The following HS6ST3 variants were observed in gnomAD, a reference collection of about 807,000 sequenced individuals.
The protein encoded by HS6ST3 is heparan sulfate 6-O-sulfotransferase 3, also known as heparan-sulfate 6-O-sulfotransferase 3.
Under a neutral mutation model 36.7 loss-of-function variants are expected in HS6ST3, and 12 were observed. The observed-to-expected ratio is 0.33, with a 90% CI of 0.21 to 0.53. The LOEUF (loss-of-function observed/expected upper bound fraction) is 0.53. Among genes scored for constraint, HS6ST3 ranks in the 20% least tolerant of loss-of-function variants. The pLI, the probability that HS6ST3 is intolerant of heterozygous loss-of-function variation, is 0.95. For synonymous variants in HS6ST3, 240 were observed against 257.5 expected, an observed-to-expected ratio of 0.93 and a Z score of 0.65; for missense variants, 584 against 640.9, an observed-to-expected ratio of 0.91 and a Z score of 0.96.
chr13:96,381,070 A>C (rs981734114), intron 1 of HS6ST3, among the ~76,000 whole-genome samples: 37 of 152,354 alleles, frequency 2.4e-4, no homozygotes, highest in African/African-American at 8.7e-4. Context: ...GGACCTAAAC[A>C]ATACTAAGTT....
intron 1 of HS6ST3, among the ~76,000 whole-genome samples, chr13:96,159,028 A>G (rs80013323): frequency 0.014 from 2,158 of 152,270 alleles, 29 homozygotes; most frequent in South Asian, 0.052. Flanking sequence ...GTGTGTATGT[A>G]TTTGTGATAG....
intron 1 of HS6ST3, among the ~76,000 whole-genome samples, chr13:96,721,517 G>T (rs572763567): frequency 1.2e-3 from 187 of 152,206 alleles, no homozygotes; most frequent in African/African-American, 4.4e-3. Flanking sequence ...TGACTTTACT[G>T]AGCTAATGTC....
intron 1 of HS6ST3, among the ~76,000 whole-genome samples, chr13:96,650,922 T>A (rs1489987347): frequency 6.6e-6 from 1 of 152,160 alleles, no homozygotes; most frequent in Non-Finnish European, 1.5e-5. Context: ...TCTGTGATAC[T>A]ACATCACAGA....
At chr13:96,831,367 T>G (rs1258846511) in intron 1 of HS6ST3, among the ~76,000 whole-genome samples, 1 of 152,188 alleles carries the variant, frequency 6.6e-6, no homozygotes, top group Admixed American at 6.5e-5. Flanking sequence ...CAATATGATG[T>G]ACAGGAAAGC....
At chr13:96,790,490 T>C (rs959241598) in intron 1 of HS6ST3, among the ~76,000 whole-genome samples, 1 of 152,050 alleles carries the variant, frequency 6.6e-6, no homozygotes, top group Non-Finnish European at 1.5e-5. Flanking sequence ...GTATGAAATA[T>C]ATAGACTGTT....
At chr13:96,526,629 G>A (rs1386171407) in intron 1 of HS6ST3, among the ~76,000 whole-genome samples, 2 of 152,130 alleles carry the variant, frequency 1.3e-5, no homozygotes, top group Non-Finnish European at 2.9e-5. Context: ...TTTAATCATG[G>A]CCACCATTTT....
At chr13:96,771,385 C>T (rs12427478) in intron 1 of HS6ST3, among the ~76,000 whole-genome samples, 29,117 of 151,564 alleles carry the variant, frequency 0.19, 2,860 homozygotes, top group Admixed American at 0.24. Flanking sequence ...CAAACCTGCA[C>T]GTTGTGCACA....
intron 1 of HS6ST3, among the ~76,000 whole-genome samples, chr13:96,377,750 C>T (rs995061269): frequency 6.6e-6 from 1 of 151,866 alleles, no homozygotes; most frequent in Admixed American, 6.6e-5. Flanking sequence ...GTCAAAAGAG[C>T]AAGAAAATTA....
chr13:96,663,986 T>C (rs1193306179), intron 1 of HS6ST3, among the ~76,000 whole-genome samples: 2 of 152,228 alleles, frequency 1.3e-5, no homozygotes, highest in African/African-American at 2.4e-5. Context: ...TGAAGCAAAA[T>C]TGAGTGCAAA....
At chr13:96,158,509 C>T (rs935518731) in intron 1 of HS6ST3, among the ~76,000 whole-genome samples, 6 of 151,634 alleles carry the variant, frequency 4.0e-5, no homozygotes, top group South Asian at 2.1e-4. Context: ...AAAAATTAGC[C>T]GGGCATGGTG....
At chr13:96,523,884 C>T (rs2056103615) in intron 1 of HS6ST3, among the ~76,000 whole-genome samples, 1 of 152,172 alleles carries the variant, frequency 6.6e-6, no homozygotes, top group Non-Finnish European at 1.5e-5. Context: ...CATTCTCCAT[C>T]CAGTTTTGTT....
intron 1 of HS6ST3, among the ~76,000 whole-genome samples, chr13:96,339,447 A>G (rs1311345950): frequency 6.6e-6 from 1 of 152,148 alleles, no homozygotes; most frequent in African/African-American, 2.4e-5. Flanking sequence ...TCCACCTGCA[A>G]GGTGATCAAG....
chr13:96,286,195 A>T (rs1456321964), intron 1 of HS6ST3, among the ~76,000 whole-genome samples: 1 of 152,134 alleles, frequency 6.6e-6, no homozygotes, highest in Non-Finnish European at 1.5e-5. Context: ...CAGAGAACAG[A>T]GTGAGGCTCT....
At chr13:96,431,782 C>T (rs191965003) in intron 1 of HS6ST3, among the ~76,000 whole-genome samples, 182 of 152,298 alleles carry the variant, frequency 1.2e-3, no homozygotes, top group Non-Finnish European at 1.2e-3. Context: ...AGTGATGCAA[C>T]GTTTGCCTAC....
intron 1 of HS6ST3, among the ~76,000 whole-genome samples, chr13:96,293,988 A>G (rs1464060649): frequency 6.6e-6 from 1 of 152,148 alleles, no homozygotes. Context: ...TTTAAGATCT[A>G]TAGATCCATT....
chr13:96,237,638 T>A lies in HS6ST3; in HGVS notation c.707+146069T>A, dbSNP rs979235162. Among the ~76,000 whole-genome samples, 16 of 152,210 alleles carry A rather than the reference T, an allele frequency of 1.1e-4. 1 individual carries two copies. Among genetic ancestry groups the A allele is most frequent in the Admixed American group, 9.2e-4 (14 of 15,286 alleles). On this transcript the variant is annotated intron_variant, in intron 1 of 1. Transcript: ENST00000376705. ...CTGTCTTTAAAAAATTGTCTACGTG[T>A]GCTGTCTCTAATGCTTTACCTCTAA...
intron 1 of HS6ST3, among the ~76,000 whole-genome samples, chr13:96,274,843 A>T (rs1490001132): frequency 1.2e-4 from 2 of 16,002 alleles, no homozygotes; most frequent in Admixed American, 3.9e-4. Context: ...AGTCCTTCAC[A>T]CACACACACA....
At chr13:96,731,740 C>T (rs986936977) in intron 1 of HS6ST3, among the ~76,000 whole-genome samples, 1 of 151,918 alleles carries the variant, frequency 6.6e-6, no homozygotes, top group African/African-American at 2.4e-5. Context: ...ATCACCGCAG[C>T]CTTCCCCCTG....
intron 1 of HS6ST3, among the ~76,000 whole-genome samples, chr13:96,759,571 C>A (rs1390677580): frequency 6.6e-6 from 1 of 151,862 alleles, no homozygotes; most frequent in Non-Finnish European, 1.5e-5. Flanking sequence ...ACAATTCATA[C>A]CCCTATTCTT....
Sources: gnomAD v4.1 joint callset for allele counts (sites outside exome capture counted in the v4.1 genomes callset) on GRCh38, gnomAD v4.1.1 for gene constraint, MANE v1.5 for transcripts, NCBI Gene and HGNC (gene_info 2026-07-23, HGNC 2026-07-21) for gene names.